The following TTC7A variants were observed in gnomAD, a reference collection of about 807,000 sequenced individuals.
TTC7A encodes tetratricopeptide repeat domain 7A.
A neutral mutation model predicts 103.7 loss-of-function variants in TTC7A; 110 were observed. The observed-to-expected ratio is 1.06, with a 90% confidence interval of 0.91 to 1.24. The LOEUF (loss-of-function observed/expected upper bound fraction) is 1.24. Among genes scored for constraint, TTC7A ranks in the 50% most tolerant of loss-of-function variants. The probability of loss-of-function intolerance (pLI) is 0.00; values close to 1 mark genes in which losing one functional copy is unlikely to be tolerated. For synonymous variants in TTC7A, 521 were observed against 467.9 expected (o/e 1.11, Z -1.47); for missense variants, 1,340 against 1,116.3 (o/e 1.20, Z -2.86).
Position 47,073,881 on chromosome 2 carries a change from C to G in TTC7A, c.2535C>G (p.Ser845Arg). 6.2e-7 allele frequency: 1 copy of G among 1,613,406 alleles called. No individual in the cohort carries two copies. The highest frequency in any genetic ancestry group is 8.5e-7 in the Non-Finnish European group (1 of 1,180,006). The change falls in exon 20 of 20, where the codon AGC (serine) becomes AGG (arginine). Residue 845 changes from serine (S) to arginine (R), a missense_variant. Physicochemically the swap from Ser to Arg is moderately radical, Grantham distance 110. Transcript: ENST00000319190. The part of the protein sequence containing the change: ...CFLTALELEA[S>R]SPVLPFSIIP... ...TCACCGCCCTTGAGCTGGAGGCCAG[C>G]AGCCCTGTACTGCCCTTCTCCATCA...
chr2:47,057,951 C>G (rs1290544831), intron 18 of TTC7A, among the ~76,000 whole-genome samples: 1 of 152,144 alleles, frequency 6.6e-6, no homozygotes, highest in Non-Finnish European at 1.5e-5. Flanking sequence ...ACTCCTGTCC[C>G]CACTCTTTCT....
chr2:46,987,160 C>T lies in TTC7A; in HGVS notation c.765-6290C>T, dbSNP rs1190406144. On this transcript the variant is annotated intron_variant, in intron 5 of 19. Coordinates refer to ENST00000319190, the MANE Select transcript of TTC7A (RefSeq NM_020458.4). ...GCCCTCGGTGGGTGGGGGTGGAGGG[C>T]GTCTCTTCCCCTCACCGCCACTAGA... Among the ~76,000 whole-genome samples the T allele has an allele frequency of 4.6e-5, 7 of 152,252 alleles. No individual in the cohort carries two copies. The East Asian group carries it at 7.7e-4, about 17-fold the overall frequency.
intron 11 of TTC7A, among the ~76,000 whole-genome samples, chr2:47,013,435 G>A (rs1678290870): frequency 6.6e-6 from 1 of 152,106 alleles, no homozygotes; most frequent in Non-Finnish European, 1.5e-5. Context: ...CCCCAACTCA[G>A]GCCGCTGCTT....
chr2:46,923,672 G>A (rs1050653713), intron 2 of TTC7A, among the ~76,000 whole-genome samples: 2 of 152,026 alleles, frequency 1.3e-5, no homozygotes, highest in African/African-American at 2.4e-5. Context: ...CAGGAGAATC[G>A]CTCAAGTCCA....
At chr2:46,986,760 CA>C (rs952153373) in intron 5 of TTC7A, among the ~76,000 whole-genome samples, 18 of 152,190 alleles carry the variant, frequency 1.2e-4, no homozygotes, top group African/African-American at 4.1e-4. Context: ...GCCAGATGGC[CA>C]CAGGCAGTGC....
intron 16 of TTC7A, chr2:47,047,007 G>T: frequency 2.4e-6 from 1 of 417,264 alleles, no homozygotes; most frequent in Admixed American, 4.1e-5. Context: ...TCTCCTGCTG[G>T]AGACCCTGGC....
chr2:46,978,880 G>C lies in TTC7A; in HGVS notation c.737G>C (p.Ser246Thr). Residue 246 changes from serine (S) to threonine (T), a missense_variant, in exon 5 of 20, where the codon AGC (serine) becomes ACC (threonine). Ser to Thr is a moderately conservative substitution (Grantham distance 58, BLOSUM62 1). Coordinates refer to ENST00000319190, the MANE Select transcript of TTC7A (RefSeq NM_020458.4). ...TACTTCCTGGAAGCTGCCCTCCAGA[G>C]CGCCTATGTGAAAAACCTGAAGAAG... ...LTYFLEAALQSAYVKNLKKGN... is the reference protein window; with the variant it reads ...LTYFLEAALQTAYVKNLKKGN... 6 of 1,614,106 alleles carry C rather than the reference G, an allele frequency of 3.7e-6. No homozygotes were observed. Among genetic ancestry groups the C allele is most frequent in the Non-Finnish European group, 5.1e-6 (6 of 1,179,984 alleles).
chr2:46,957,151 G>A (rs574285481), intron 3 of TTC7A, 144 bp downstream of exon 3: 62 of 1,002,734 alleles, frequency 6.2e-5, no homozygotes, highest in African/African-American at 8.1e-5. Flanking sequence ...GGTGGATGCC[G>A]GTGGCAACCG....
chr2:46,933,898 A>T lies in TTC7A; in HGVS notation c.83-16465A>T, dbSNP rs531556870. 7.2e-5 allele frequency among the ~76,000 whole-genome samples: 11 copies of T among 152,178 alleles called. No homozygotes were observed. The South Asian group carries it at 2.1e-3, about 29-fold the overall frequency. Reference sequence around the variant, plus strand: ...TGCTGGGAACACAGGGCTCTAAGGGACCCCACATGGTAAGTATGAAAGAAG... The same window carrying T: ...TGCTGGGAACACAGGGCTCTAAGGGTCCCCACATGGTAAGTATGAAAGAAG... On this transcript the variant is annotated intron_variant, in intron 2 of 20. Transcript: ENST00000409245.
chr2:46,953,293 A>G (rs186884185), intron 2 of TTC7A, among the ~76,000 whole-genome samples: 93 of 152,248 alleles, frequency 6.1e-4, no homozygotes, highest in Non-Finnish European at 1.1e-3. Context: ...AGCTGGGACT[A>G]TAGGCATGCA....
chr2:46,916,194 G>A, exon 1 of TTC7A: 4 of 978,192 alleles, frequency 4.1e-6, no homozygotes, highest in African/African-American at 1.7e-5. Context: ...CTCTTGGTTC[G>A]TCCTGCTGCA....
At chr2:46,981,666 T>A (rs1251370357) in intron 5 of TTC7A, among the ~76,000 whole-genome samples, 1 of 152,196 alleles carries the variant, frequency 6.6e-6, no homozygotes, top group Admixed American at 6.5e-5. Flanking sequence ...CTGCTGACTG[T>A]TCGATGTGGT....
Position 47,047,181 on chromosome 2 carries a change from CTT to C in TTC7A, c.1919+751_1919+752del. 3 of 771,932 alleles carry C rather than the reference CTT, an allele frequency of 3.9e-6. No individual in the cohort carries two copies. In the South Asian group the frequency reaches 5.0e-5, roughly 13 times the overall value. 47.8% of individuals were successfully genotyped at this position (771,932 alleles called of 1,614,324 possible). A position where few individuals can be genotyped will look rare whatever the true frequency, so the allele number is the denominator to read the frequency against. Reference sequence around the variant, plus strand: ...AGGAGCCCTGCCTCTTCCTGATCCTCTTGTCCTTCTTTGGGATAGCTGGCTGT... The same window carrying C: ...AGGAGCCCTGCCTCTTCCTGATCCTCGTCCTTCTTTGGGATAGCTGGCTGT... On this transcript the variant is annotated intron_variant, in intron 16 of 19. Transcript: ENST00000319190.
At chr2:46,974,208 C>T (rs1299283325) in intron 3 of TTC7A, among the ~76,000 whole-genome samples, 3 of 152,226 alleles carry the variant, frequency 2.0e-5, no homozygotes, top group African/African-American at 7.2e-5. Flanking sequence ...GGTACAGGCT[C>T]CTGCCTTTAA....
intron 3 of TTC7A, among the ~76,000 whole-genome samples, chr2:46,964,128 T>G (rs1401629254): frequency 6.6e-6 from 1 of 152,226 alleles, no homozygotes; most frequent in Non-Finnish European, 1.5e-5. Flanking sequence ...CATTCAGGCT[T>G]GTTCGATTGA....
intron 5 of TTC7A, 33 bp from the exon 6 acceptor site, chr2:46,993,417 G>A (rs1282041390): frequency 6.2e-7 from 1 of 1,610,276 alleles, no homozygotes; most frequent in Non-Finnish European, 8.5e-7. Context: ...AGCTAGGCTG[G>A]TAACAAATCT....
chr2:46,994,977 A>G (rs976360510), intron 7 of TTC7A, among the ~76,000 whole-genome samples, 159 bp from the exon 8 acceptor site: 1 of 151,836 alleles, frequency 6.6e-6, no homozygotes, highest in African/African-American at 2.4e-5. Context: ...CAGATCCATA[A>G]CTCTGGGGCA....
At chr2:46,989,930 G>A (rs920250410) in intron 5 of TTC7A, among the ~76,000 whole-genome samples, 15 of 152,108 alleles carry the variant, frequency 9.9e-5, no homozygotes, top group Non-Finnish European at 1.9e-4. Flanking sequence ...CGTTGATGAT[G>A]TAAAGGCTAA....
At chr2:47,051,703 G>T in intron 17 of TTC7A, 43 bp from the exon 18 acceptor site, 1 of 1,574,358 alleles carries the variant, frequency 6.4e-7, no homozygotes, top group Non-Finnish European at 8.6e-7. Flanking sequence ...TGCAACGTGT[G>T]GACCTCTGAC....
Sources: gnomAD v4.1 joint callset for allele counts (sites outside exome capture counted in the v4.1 genomes callset) on GRCh38, gnomAD v4.1.1 for gene constraint, MANE v1.5 for transcripts, NCBI Gene and HGNC (gene_info 2026-07-23, HGNC 2026-07-21) for gene names.